HYAL4: variants seen among roughly 807,000 people sequenced by gnomAD.
HYAL4 encodes hyaluronidase-4.
Under a neutral mutation model 35.2 loss-of-function variants are expected in HYAL4, and 37 were observed. That is an observed-to-expected ratio of 1.05 (90% CI 0.81 to 1.38). HYAL4 has a LOEUF of 1.38. Ranked by LOEUF, HYAL4 falls within the 40% of genes most tolerant of loss-of-function variation. The pLI is 0.00. For synonymous variants in HYAL4, 198 were observed against 203.2 expected (o/e 0.97, Z 0.22); for missense variants, 572 against 572.4 (o/e 1.00, Z 0.01).
the HYAL4 span, among the ~76,000 whole-genome samples, chr7:123,808,680 C>T: frequency 6.6e-6 from 1 of 152,116 alleles, no homozygotes; most frequent in African/African-American, 2.4e-5. Flanking sequence ...TGGTCTTAGT[C>T]TGTTCAGGCT....
the HYAL4 span, among the ~76,000 whole-genome samples, chr7:123,806,780 C>G: frequency 1.3e-5 from 2 of 152,206 alleles, no homozygotes; most frequent in East Asian, 3.9e-4. Context: ...CGTACTCCTT[C>G]TGTCTCTCTC....
chr7:123,867,446 T>C (rs1043886368), intron 2 of HYAL4, among the ~76,000 whole-genome samples: 25 of 152,116 alleles, frequency 1.6e-4, no homozygotes, highest in African/African-American at 6.0e-4. Context: ...ATCTGGTAAG[T>C]TTCAGTTCCT....
At chr7:123,846,315 G>A (rs1190358036) in intron 1 of HYAL4, among the ~76,000 whole-genome samples, 1 of 152,078 alleles carries the variant, frequency 6.6e-6, no homozygotes, top group African/African-American at 2.4e-5. Context: ...GGTTGGTCTT[G>A]GTGGCAGCTG....
Position 123,868,230 on chromosome 7 carries a change from A to C in HYAL4, c.-44A>C. ...AATTAAATCTCTCCACAGGTCTTCTAGAGTGCACTAAAGCAGAAGATAACG... is the reference window on the plus strand; with the variant it reads ...AATTAAATCTCTCCACAGGTCTTCTCGAGTGCACTAAAGCAGAAGATAACG... On this transcript the variant is annotated 5_prime_UTR_variant, in exon 3 of 5. Coordinates refer to ENST00000223026, the MANE Select transcript of HYAL4 (RefSeq NM_012269.3). The C allele has an allele frequency of 4.7e-6, 5 of 1,069,510 alleles. No homozygotes were observed. Among genetic ancestry groups the C allele is most frequent in the South Asian group, 1.8e-5 (1 of 56,962 alleles). 66.3% of individuals were successfully genotyped at this position (1,069,510 alleles called of 1,614,324 possible). A position where few individuals can be genotyped will look rare whatever the true frequency, so the allele number is the denominator to read the frequency against.
At chr7:123,769,806 A>G in the HYAL4 span, among the ~76,000 whole-genome samples, 4 of 151,300 alleles carry the variant, frequency 2.6e-5, no homozygotes, top group Non-Finnish European at 5.9e-5. Flanking sequence ...TCAAATCTGT[A>G]AGTGAAAGAG....
the HYAL4 span, among the ~76,000 whole-genome samples, chr7:123,804,566 A>G: frequency 2.0e-5 from 3 of 151,836 alleles, no homozygotes; most frequent in African/African-American, 7.2e-5. Flanking sequence ...CACTCGTGCT[A>G]TTCTCCTTGG....
chr7:123,877,088 C>T lies in HYAL4; in HGVS notation c.1379C>T (p.Pro460Leu). 1 of 1,614,188 alleles carries T rather than the reference C, an allele frequency of 6.2e-7. No homozygotes were observed. Among genetic ancestry groups the T allele is most frequent in the Non-Finnish European group, 8.5e-7 (1 of 1,180,028 alleles). Residue 460 changes from proline (P) to leucine (L), a missense_variant, in exon 5 of 5, where the codon CCT becomes CTT. Transcript: ENST00000223026. ...KTADGCSGVS[P>L]SPGSLMTLCL... is the part of the protein sequence containing the mutation. ...GCTGATGGCTGCTCTGGGGTTTCCC[C>T]TTCTCCTGGTTCACTAATGACACTT...
At chr7:123,817,024 A>C in the HYAL4 span, among the ~76,000 whole-genome samples, 2 of 152,172 alleles carry the variant, frequency 1.3e-5, no homozygotes, top group Admixed American at 6.5e-5. Flanking sequence ...GTATTGCTGA[A>C]ACCTTCCTAT....
chr7:123,857,275 G>A (rs1204868805), intron 2 of HYAL4, among the ~76,000 whole-genome samples: 2 of 152,114 alleles, frequency 1.3e-5, no homozygotes, highest in South Asian at 2.1e-4. Flanking sequence ...TGAAATGGCT[G>A]CCAGTTTTGT....
At chr7:123,854,196 GA>G (rs1263630400) in intron 2 of HYAL4, among the ~76,000 whole-genome samples, 1 of 151,938 alleles carries the variant, frequency 6.6e-6, no homozygotes, top group Admixed American at 6.6e-5. Context: ...TTGTGTTTTT[GA>G]AAGGTTTTTC....
chr7:123,817,510 C>CTTT, the HYAL4 span, among the ~76,000 whole-genome samples: 92 of 122,168 alleles, frequency 7.5e-4, no homozygotes, highest in South Asian at 1.3e-3. Flanking sequence ...CATTCTTCTT[C>CTTT]TTTTTTTTTT....
At chr7:123,861,078 T>C (rs1806566534) in intron 2 of HYAL4, among the ~76,000 whole-genome samples, 1 of 152,178 alleles carries the variant, frequency 6.6e-6, no homozygotes, top group African/African-American at 2.4e-5. Flanking sequence ...TCCACTCTTG[T>C]ACTCTTAACA....
chr7:123,873,359 C>A (rs1288809286), intron 3 of HYAL4, among the ~76,000 whole-genome samples: 2 of 150,090 alleles, frequency 1.3e-5, no homozygotes, highest in African/African-American at 4.9e-5. Flanking sequence ...TTAGTTTAAA[C>A]CAAAATCTCT....
the HYAL4 span, among the ~76,000 whole-genome samples, chr7:123,794,243 A>G: frequency 6.6e-6 from 1 of 152,230 alleles, no homozygotes; most frequent in Admixed American, 6.5e-5. Context: ...CAAAGTGTTC[A>G]AGAGAAAGCA....
chr7:123,800,268 C>T, the HYAL4 span, among the ~76,000 whole-genome samples: 1 of 150,880 alleles, frequency 6.6e-6, no homozygotes, highest in Non-Finnish European at 1.5e-5. Flanking sequence ...CTCCCGGGTT[C>T]ACGCCATTCT....
chr7:123,804,370 C>T, the HYAL4 span, among the ~76,000 whole-genome samples: 1 of 152,096 alleles, frequency 6.6e-6, no homozygotes, highest in African/African-American at 2.4e-5. Flanking sequence ...CAGTGTTTAT[C>T]TTGAAGAGTC....
intron 1 of HYAL4, among the ~76,000 whole-genome samples, chr7:123,834,082 C>T (rs749382688): frequency 1.3e-5 from 2 of 151,880 alleles, no homozygotes; most frequent in African/African-American, 2.4e-5. Flanking sequence ...TTTTTGGTTC[C>T]GTAGGAATTT....
chr7:123,828,375 A>T (rs976787312), upstream of HYAL4, among the ~76,000 whole-genome samples: 1 of 151,908 alleles, frequency 6.6e-6, no homozygotes, highest in Non-Finnish European at 1.5e-5. Context: ...ACATGATTAT[A>T]TATACGTAAA....
the HYAL4 span, among the ~76,000 whole-genome samples, chr7:123,781,682 T>A: frequency 2.0e-5 from 3 of 152,148 alleles, no homozygotes; most frequent in Admixed American, 2.0e-4. Flanking sequence ...CTTCAAAGAT[T>A]TAATATGAAA....
Sources: allele counts gnomAD v4.1 joint callset (sites outside exome capture counted in the v4.1 genomes callset), GRCh38; gene constraint gnomAD v4.1.1; transcripts MANE v1.5; gene names NCBI Gene and HGNC (gene_info 2026-07-23, HGNC 2026-07-21).